LRMDA: variants seen among roughly 807,000 people sequenced by gnomAD.
LRMDA encodes the protein leucine rich melanocyte differentiation associated, also known as leucine-rich melanocyte differentiation-associated protein.
In LRMDA, 18 loss-of-function variants were observed where a neutral mutation model predicts 29.8. The observed-to-expected ratio is 0.60, with a 90% CI of 0.42 to 0.90. The LOEUF is 0.90. Ranked by LOEUF, LRMDA falls within the 40% of genes least tolerant of loss-of-function variation. The probability of loss-of-function intolerance (pLI) is 0.00; values close to 1 mark genes in which losing one functional copy is unlikely to be tolerated. For synonymous variants in LRMDA, 125 were observed against 109.4 expected (o/e 1.14, Z -0.89); for missense variants, 273 against 273.9 (o/e 1.00, Z 0.02).
Position 76,282,347 on chromosome 10 carries a change from G to A in LRMDA, c.517-42054G>A, listed in dbSNP as rs555463555. ...TAATAATTTGCTCGAAATAGATGCC[G>A]ACTGTAGGAAATGAGATATCCATCA... is the stretch of plus-strand genomic sequence containing the variant. On this transcript the variant is annotated intron_variant, in intron 5 of 6. Transcript: ENST00000611255. Among the ~76,000 whole-genome samples the A allele has an allele frequency of 1.1e-3, 162 of 152,268 alleles. 4 individuals carry two copies. In the South Asian group the frequency reaches 0.033, roughly 31 times the overall value.
intron 2 of LRMDA, among the ~76,000 whole-genome samples, chr10:75,638,575 G>A (rs1217588487): frequency 6.6e-6 from 1 of 152,112 alleles, no homozygotes; most frequent in Non-Finnish European, 1.5e-5. Flanking sequence ...AACCGTTTGT[G>A]ATGTCCAGCA....
intron 6 of LRMDA, among the ~76,000 whole-genome samples, chr10:76,347,385 T>G (rs1292650880): frequency 3.3e-5 from 5 of 152,218 alleles, no homozygotes; most frequent in Admixed American, 2.0e-4. Context: ...AATAGCTTCA[T>G]GGACAGTCCC....
At chr10:76,106,044 G>C (rs998707048) in intron 5 of LRMDA, among the ~76,000 whole-genome samples, 6 of 152,176 alleles carry the variant, frequency 3.9e-5, no homozygotes, top group Non-Finnish European at 8.8e-5. Context: ...ACCAGGTCCA[G>C]CCAAGTTTGT....
chr10:75,977,257 C>T (rs1467039112), intron 2 of LRMDA, among the ~76,000 whole-genome samples: 1 of 151,972 alleles, frequency 6.6e-6, no homozygotes, highest in East Asian at 1.9e-4. Flanking sequence ...TTACTCATAG[C>T]TCAAGAGGTT....
intron 5 of LRMDA, among the ~76,000 whole-genome samples, chr10:76,284,742 C>T (rs747486345): frequency 5.9e-5 from 9 of 152,140 alleles, no homozygotes; most frequent in African/African-American, 1.4e-4. Context: ...AGGGACCCAG[C>T]GGGAGGTAAT....
intron 5 of LRMDA, among the ~76,000 whole-genome samples, chr10:76,321,989 G>A (rs1474555618): frequency 6.6e-6 from 1 of 152,098 alleles, no homozygotes; most frequent in African/African-American, 2.4e-5. Flanking sequence ...AGATTTAAGA[G>A]TCTTTATAGT....
intron 6 of LRMDA, among the ~76,000 whole-genome samples, chr10:76,408,805 C>T (rs559252720): frequency 4.6e-5 from 7 of 152,264 alleles, no homozygotes; most frequent in Admixed American, 2.0e-4. Flanking sequence ...TCCTCACTCC[C>T]GGGAAGAAAT....
chr10:76,124,910 C>T (rs984852815), intron 5 of LRMDA, among the ~76,000 whole-genome samples: 1 of 152,188 alleles, frequency 6.6e-6, no homozygotes, highest in African/African-American at 2.4e-5. Flanking sequence ...CAGTCCCCAT[C>T]ATTTTTGTCT....
chr10:75,736,491 A>T (rs928324151), intron 2 of LRMDA, among the ~76,000 whole-genome samples: 7 of 152,218 alleles, frequency 4.6e-5, no homozygotes, highest in African/African-American at 1.7e-4. Flanking sequence ...ATTGCTCGGT[A>T]CAGAGGCTTG....
intron 6 of LRMDA, among the ~76,000 whole-genome samples, chr10:76,490,076 T>C (rs754331343): frequency 5.3e-5 from 8 of 152,064 alleles, no homozygotes; most frequent in Non-Finnish European, 8.8e-5. Flanking sequence ...GAGCATATTG[T>C]TTAATTTCCA....
chr10:75,451,204 A>G (rs1275440903), intron 2 of LRMDA: 3 of 152,246 alleles, frequency 2.0e-5, no homozygotes, highest in Admixed American at 2.0e-4. Flanking sequence ...ACTGTCACGC[A>G]TTAATAATTG....
In LRMDA at chr10:75,903,783, G is replaced by A. The variant is rs1027780490; in HGVS notation, c.132-132225G>A. 5.3e-5 allele frequency among the ~76,000 whole-genome samples: 8 copies of A among 152,288 alleles called. No individual in the cohort carries two copies. In the East Asian group the frequency reaches 5.8e-4, roughly 11 times the overall value. On this transcript the variant is annotated intron_variant, in intron 2 of 6. Coordinates refer to ENST00000611255, the MANE Select transcript of LRMDA (RefSeq NM_001305581.2). Reference sequence around the variant, plus strand: ...AAAGCAGTTCAGAACATGTGGGGCCGGGTGCCTGGTTTGAGATAGTGACTA... The same window carrying A: ...AAAGCAGTTCAGAACATGTGGGGCCAGGTGCCTGGTTTGAGATAGTGACTA...
chr10:76,025,078 G>A (rs1021857602), intron 2 of LRMDA, among the ~76,000 whole-genome samples: 1 of 151,964 alleles, frequency 6.6e-6, no homozygotes, highest in East Asian at 1.9e-4. Flanking sequence ...AAACAAACAA[G>A]ATCCCGAGGC....
At chr10:75,632,216 C>G (rs1841332952) in intron 2 of LRMDA, among the ~76,000 whole-genome samples, 3 of 152,094 alleles carry the variant, frequency 2.0e-5, no homozygotes, top group Non-Finnish European at 2.9e-5. Flanking sequence ...GCCTCTTAAA[C>G]TTTTGTCTAT....
intron 6 of LRMDA, among the ~76,000 whole-genome samples, chr10:76,353,073 A>G (rs1323347299): frequency 2.0e-5 from 3 of 152,130 alleles, no homozygotes; most frequent in Admixed American, 6.6e-5. Context: ...GAGAGAAGGA[A>G]AGAAGTTTGG....
chr10:76,393,352 A>T (rs1841745942), intron 6 of LRMDA, among the ~76,000 whole-genome samples: 1 of 152,066 alleles, frequency 6.6e-6, no homozygotes, highest in Non-Finnish European at 1.5e-5. Context: ...TTTTGATAAT[A>T]GCCATTTTAA....
At chr10:75,531,816 G>A (rs1420993351) in intron 2 of LRMDA, among the ~76,000 whole-genome samples, 1 of 152,028 alleles carries the variant, frequency 6.6e-6, no homozygotes, top group East Asian at 1.9e-4. Context: ...GCTCTTGCCT[G>A]TAATCCCAGC....
chr10:75,853,570 T>TG (rs1844770216), intron 2 of LRMDA, among the ~76,000 whole-genome samples: 1 of 152,148 alleles, frequency 6.6e-6, no homozygotes, highest in African/African-American at 2.4e-5. Context: ...TGGGGTTAGT[T>TG]GCTGCTAAAT....
chr10:75,505,645 A>C (rs1027556903), intron 2 of LRMDA, among the ~76,000 whole-genome samples: 14 of 152,102 alleles, frequency 9.2e-5, no homozygotes, highest in African/African-American at 3.4e-4. Context: ...TGCTGCACTC[A>C]TGGACCCCCC....
Sources: allele counts gnomAD v4.1 joint callset (sites outside exome capture counted in the v4.1 genomes callset), GRCh38; gene constraint gnomAD v4.1.1; transcripts MANE v1.5; gene names NCBI Gene and HGNC (gene_info 2026-07-23, HGNC 2026-07-21).